Variants in SAP30BP observed in about 807,000 individuals in gnomAD.
SAP30BP encodes SAP30-binding protein.
Under a neutral mutation model 46.3 loss-of-function variants are expected in SAP30BP, and 31 were observed. The ratio of observed to expected loss-of-function variants is 0.67; its 90% CI spans 0.50 to 0.90. SAP30BP has a LOEUF of 0.90. Ranked by LOEUF, SAP30BP falls within the 40% of genes least tolerant of loss-of-function variation. SAP30BP has a pLI of 0.00. For missense variants in SAP30BP, 312 were observed against 391.0 expected (o/e 0.80, Z 1.70); for synonymous variants, 169 against 144.2 (o/e 1.17, Z -1.23).
intron 2 of SAP30BP, among the ~76,000 whole-genome samples, chr17:75,671,527 T>C (rs2059907557): frequency 6.6e-6 from 1 of 152,256 alleles, no homozygotes; most frequent in Non-Finnish European, 1.5e-5. Flanking sequence ...TCCATTTTTA[T>C]GTATGTGACT....
intron 3 of SAP30BP, chr17:75,691,762 G>A (rs1244209872): frequency 1.1e-5 from 3 of 262,846 alleles, no homozygotes; most frequent in Non-Finnish European, 2.3e-5. Flanking sequence ...GGGTGAGGGA[G>A]GAGCTGATGT....
At chr17:75,674,707 T>TTG (rs1568300449) in intron 3 of SAP30BP, among the ~76,000 whole-genome samples, 2 of 121,180 alleles carry the variant, frequency 1.7e-5, no homozygotes, top group Non-Finnish European at 3.5e-5. Flanking sequence ...GTTTTTTTTT[T>TTG]TTTTTTTTTT....
intron 3 of SAP30BP, among the ~76,000 whole-genome samples, chr17:75,682,824 A>G (rs187721561): frequency 4.6e-5 from 7 of 151,462 alleles, no homozygotes; most frequent in East Asian, 2.1e-4. Flanking sequence ...TTAGCCAGAC[A>G]TGGTGGCACG....
At chr17:75,686,876 A>G (rs761396879) in intron 3 of SAP30BP, among the ~76,000 whole-genome samples, 3 of 152,218 alleles carry the variant, frequency 2.0e-5, no homozygotes, top group Non-Finnish European at 2.9e-5. Flanking sequence ...CTAGCCCCCA[A>G]CCATGTCTCT....
intron 3 of SAP30BP, chr17:75,679,389 CT>C (rs1378472601): frequency 1.3e-5 from 2 of 152,058 alleles, no homozygotes; most frequent in Admixed American, 6.5e-5. Flanking sequence ...TGGGAACCCC[CT>C]AGGAAAGGAC....
At position 75,703,295 on chromosome 17, in the gene SAP30BP, G is replaced by A. The variant is rs534974887; in HGVS notation, c.489-16G>A. 8.1e-6 allele frequency: 13 copies of A among 1,613,772 alleles called. No homozygotes were observed. The East Asian group carries it at 8.9e-5, about 11-fold the overall frequency. On this transcript the variant is annotated splice_polypyrimidine_tract_variant and intron_variant, in intron 6 of 10. Coordinates refer to ENST00000584667, the MANE Select transcript of SAP30BP (RefSeq NM_013260.8). ...CGTGGACTTGTGCCTGCTCAGCGCC[G>A]GCACTGTTCTTTCAGCATCTACGAG... is the stretch of plus-strand genomic sequence containing the variant.
In SAP30BP at chr17:75,682,027, G is replaced by A. The variant is rs557269344; in HGVS notation, c.264+10164G>A. 3.3e-5 allele frequency among the ~76,000 whole-genome samples: 5 copies of A among 152,036 alleles called. No homozygotes were observed. The South Asian group carries it at 8.3e-4, about 25-fold the overall frequency. ...GCAAACTTGAGCTCTCAGAGCTTAAGCTTGGACTTTTTTTTTAATGGACAG... is the reference window on the plus strand; with the variant it reads ...GCAAACTTGAGCTCTCAGAGCTTAAACTTGGACTTTTTTTTTAATGGACAG... On this transcript the variant is annotated intron_variant, in intron 3 of 10. Coordinates refer to ENST00000584667, the MANE Select transcript of SAP30BP (RefSeq NM_013260.8).
chr17:75,696,207 C>T (rs529720661), intron 4 of SAP30BP, among the ~76,000 whole-genome samples: 1 of 152,220 alleles, frequency 6.6e-6, no homozygotes, highest in African/African-American at 2.4e-5. Flanking sequence ...GGACACATCG[C>T]TTTACTGGCT....
intron 2 of SAP30BP, among the ~76,000 whole-genome samples, chr17:75,670,056 G>A (rs1366536036): frequency 6.6e-6 from 1 of 152,182 alleles, no homozygotes; most frequent in East Asian, 1.9e-4. Context: ...AAGCACGGTG[G>A]CTCATGCCTG....
At chr17:75,694,567 CA>C (rs1313929834) in intron 4 of SAP30BP, among the ~76,000 whole-genome samples, 1 of 152,216 alleles carries the variant, frequency 6.6e-6, no homozygotes, top group Non-Finnish European at 1.5e-5. Context: ...AGGGGTGCAA[CA>C]TTTGGCTTTG....
At chr17:75,674,362 T>C (rs984698494) in intron 3 of SAP30BP, among the ~76,000 whole-genome samples, 12 of 152,108 alleles carry the variant, frequency 7.9e-5, no homozygotes, top group Admixed American at 7.9e-4. Context: ...TGCTGTGATC[T>C]CGGCTCAGTG....
intron 3 of SAP30BP, among the ~76,000 whole-genome samples, chr17:75,682,766 AT>A (rs1200655189): frequency 6.8e-6 from 1 of 148,026 alleles, no homozygotes; most frequent in Admixed American, 6.7e-5. Context: ...TATCAAGACC[AT>A]CCTGGCCAAC....
At position 75,702,231 on chromosome 17, in the gene SAP30BP, G is replaced by A. The variant is rs867108498; in HGVS notation, c.397-249G>A. On this transcript the variant is annotated intron_variant, in intron 5 of 10. Coordinates refer to ENST00000584667, the MANE Select transcript of SAP30BP (RefSeq NM_013260.8). ...AGTAGAGATGGGGTTTCAACATGTG[G>A]GCCAGGATGGTCTCAATCTCTGGAC... Among the ~76,000 whole-genome samples, 19 of 152,220 alleles carry A rather than the reference G, an allele frequency of 1.2e-4. No homozygotes were observed. In the South Asian group the frequency reaches 2.1e-3, roughly 17 times the overall value.
chr17:75,693,077 C>T, intron 3 of SAP30BP: 1 of 197,034 alleles, frequency 5.1e-6, no homozygotes, highest in South Asian at 9.9e-5. Flanking sequence ...TTGAGCTCTG[C>T]ACTCCATTCA....
At chr17:75,677,448 T>A (rs1365295858) in intron 3 of SAP30BP, among the ~76,000 whole-genome samples, 1 of 149,350 alleles carries the variant, frequency 6.7e-6, no homozygotes, top group South Asian at 2.2e-4. Context: ...TTTTTTTTTT[T>A]TGGAAACGAA....
intron 3 of SAP30BP, among the ~76,000 whole-genome samples, chr17:75,672,885 A>T (rs1300088574): frequency 2.0e-5 from 3 of 151,746 alleles, no homozygotes; most frequent in Non-Finnish European, 2.9e-5. Context: ...AATTACTTGA[A>T]CCTGGGAGGC....
intron 4 of SAP30BP, among the ~76,000 whole-genome samples, chr17:75,694,566 A>G (rs2060286798): frequency 6.6e-6 from 1 of 152,196 alleles, no homozygotes. Context: ...TAGGGGTGCA[A>G]CATTTGGCTT....
chr17:75,675,488 AGTT>A (rs1237564715), intron 3 of SAP30BP, among the ~76,000 whole-genome samples: 17 of 152,234 alleles, frequency 1.1e-4, no homozygotes, highest in African/African-American at 3.9e-4. Flanking sequence ...TTTTTTCAGT[AGTT>A]CTCAAAACAT....
At chr17:75,704,625 G>A in intron 8 of SAP30BP, 131 bp from the exon 9 acceptor site, 1 of 734,720 alleles carries the variant, frequency 1.4e-6, no homozygotes, top group Non-Finnish European at 2.4e-6. Flanking sequence ...GCTTCATTTT[G>A]CCAAGCACAA....
Sources: gnomAD v4.1 joint callset for allele counts (sites outside exome capture counted in the v4.1 genomes callset) on GRCh38, gnomAD v4.1.1 for gene constraint, MANE v1.5 for transcripts, NCBI Gene and HGNC (gene_info 2026-07-23, HGNC 2026-07-21) for gene names.